AP4S1: variants seen among roughly 807,000 people sequenced by gnomAD.
The protein encoded by AP4S1 is AP-4 complex subunit sigma-1.
A neutral mutation model predicts 19.8 loss-of-function variants in AP4S1; 23 were observed. The ratio of observed to expected loss-of-function variants is 1.16; its 90% CI spans 0.84 to 1.65. AP4S1 has a LOEUF of 1.65. AP4S1 is among the 40% of genes most tolerant of loss of function. The pLI is 0.00. For missense variants in AP4S1, 166 were observed against 172.8 expected, an observed-to-expected ratio of 0.96 and a Z score of 0.22; for synonymous variants, 46 against 54.1, an observed-to-expected ratio of 0.85 and a Z score of 0.66.
intron 1 of AP4S1, among the ~76,000 whole-genome samples, chr14:31,065,497 T>G (rs1886663631): frequency 3.9e-5 from 6 of 152,158 alleles, no homozygotes. Context: ...TCCTTACTAT[T>G]TCATCTTCAC....
At chr14:31,084,600 G>T (rs1049620201) in intron 5 of AP4S1, among the ~76,000 whole-genome samples, 3 of 152,208 alleles carry the variant, frequency 2.0e-5, no homozygotes, top group Non-Finnish European at 2.9e-5. Flanking sequence ...AATCATTCAC[G>T]TGCTATGAAT....
At chr14:31,047,759 A>G (rs1045309370) in intron 1 of AP4S1, among the ~76,000 whole-genome samples, 5 of 150,808 alleles carry the variant, frequency 3.3e-5, no homozygotes, top group African/African-American at 9.7e-5. Context: ...GCTCACTGCA[A>G]CCTCCTCCTC....
At chr14:31,073,216 C>T (rs992983481) in intron 4 of AP4S1, 100 of 423,974 alleles carry the variant, frequency 2.4e-4, no homozygotes, top group African/African-American at 1.1e-3. Flanking sequence ...TATAGCAGGG[C>T]GCGATGGCTC....
chr14:31,037,168 G>A (rs972466142), intron 1 of AP4S1, among the ~76,000 whole-genome samples: 3 of 151,500 alleles, frequency 2.0e-5, no homozygotes, highest in Non-Finnish European at 4.4e-5. Flanking sequence ...TTACACACAT[G>A]CACACACACA....
In AP4S1 at chr14:31,050,803, G is replaced by A. The variant is rs1367382370; in HGVS notation, c.-71-15323G>A. ...TTTTCATTAGTCCGTTTTCTATTCC[G>A]GGCTCCCCTCCACGATACCATGTTG... On this transcript the variant is annotated intron_variant, in intron 1 of 5. Coordinates refer to ENST00000542754, the MANE Select transcript of AP4S1 (RefSeq NM_001128126.3). Among the ~76,000 whole-genome samples the A allele has an allele frequency of 2.6e-5, 4 of 151,904 alleles. No individual in the cohort carries two copies. The East Asian group carries it at 7.7e-4, about 29-fold the overall frequency.
At position 31,069,831 on chromosome 14, in the gene AP4S1, T is replaced by C; in HGVS notation, c.139-12T>C. On this transcript the variant is annotated splice_polypyrimidine_tract_variant and intron_variant, in intron 2 of 5. Coordinates refer to ENST00000542754, the MANE Select transcript of AP4S1 (RefSeq NM_001128126.3). The stretch of plus-strand genomic sequence containing the variant: ...AGCCACAGGAATTAATATCTCATTG[T>C]GTTTTGTCTAGTGCTCTTTCATTGA... 1 of 1,590,352 alleles carries C rather than the reference T, an allele frequency of 6.3e-7. No individual in the cohort carries two copies.
chr14:31,026,195 G>C (rs112675361), intron 1 of AP4S1: 3 of 1,416,382 alleles, frequency 2.1e-6, no homozygotes, highest in Non-Finnish European at 2.7e-6. Flanking sequence ...TTGTGTGTGG[G>C]GCCCCGGCCG....
intron 5 of AP4S1, among the ~76,000 whole-genome samples, chr14:31,087,784 T>C (rs1363380573): frequency 6.6e-6 from 1 of 152,192 alleles, no homozygotes; most frequent in East Asian, 1.9e-4. Flanking sequence ...GGGGAGATGT[T>C]TTAGAGAAAT....
intron 1 of AP4S1, among the ~76,000 whole-genome samples, chr14:31,037,423 A>G (rs1884847683): frequency 7.1e-6 from 1 of 140,106 alleles, no homozygotes; most frequent in Middle Eastern, 3.6e-3. Context: ...TGCCATCACC[A>G]CTACTTTCTT....
chr14:31,082,757 G>A (rs1275705785), intron 5 of AP4S1, among the ~76,000 whole-genome samples: 24 of 152,114 alleles, frequency 1.6e-4, no homozygotes, highest in Admixed American at 9.2e-4. Flanking sequence ...TTAGCCGGGC[G>A]CGGTGGCGGG....
intron 1 of AP4S1, among the ~76,000 whole-genome samples, chr14:31,056,985 G>A (rs911489086): frequency 1.3e-5 from 2 of 152,094 alleles, no homozygotes; most frequent in Admixed American, 6.6e-5. Context: ...GAGGTGGGAG[G>A]ATTGCTTGAG....
chr14:31,066,767 G>A (rs990768111), intron 2 of AP4S1, among the ~76,000 whole-genome samples: 6 of 152,102 alleles, frequency 3.9e-5, no homozygotes, highest in African/African-American at 1.4e-4. Context: ...TGTGCCAGAG[G>A]ATAATAATAT....
intron 1 of AP4S1, among the ~76,000 whole-genome samples, chr14:31,047,569 T>G (rs954394089): frequency 4.0e-5 from 6 of 151,476 alleles, no homozygotes; most frequent in Non-Finnish European, 8.8e-5. Context: ...TTTTTTATGG[T>G]TTTTTTTAGT....
At chr14:31,026,271 G>A in intron 1 of AP4S1, 1 of 1,307,340 alleles carries the variant, frequency 7.6e-7, no homozygotes, top group Non-Finnish European at 9.8e-7. Context: ...GCTGGCTGCG[G>A]GGCGGAGGCC....
intron 4 of AP4S1, among the ~76,000 whole-genome samples, chr14:31,073,989 T>C (rs1048835216): frequency 6.6e-6 from 1 of 152,148 alleles, no homozygotes. Context: ...GCCATTTTAA[T>C]AGCTATATTG....
intron 1 of AP4S1, among the ~76,000 whole-genome samples, chr14:31,042,008 T>C (rs1885137906): frequency 6.6e-6 from 1 of 152,138 alleles, no homozygotes; most frequent in African/African-American, 2.4e-5. Context: ...TTTTTGTATT[T>C]TTAGTAGACA....
intron 1 of AP4S1, among the ~76,000 whole-genome samples, chr14:31,049,474 T>TATATATATATACAC (rs1885651433): frequency 1.7e-5 from 1 of 57,182 alleles, no homozygotes; most frequent in African/African-American, 5.7e-5. Flanking sequence ...TATATATATG[T>TATATATATATACAC]ACACACACAC....
At chr14:31,083,147 T>G (rs1469030417) in intron 5 of AP4S1, among the ~76,000 whole-genome samples, 1 of 152,202 alleles carries the variant, frequency 6.6e-6, no homozygotes, top group Non-Finnish European at 1.5e-5. Context: ...TACTTGTCTT[T>G]GTAGCCTTCT....
intron 1 of AP4S1, chr14:31,027,142 T>G (rs1159853457): frequency 2.0e-5 from 3 of 152,112 alleles, no homozygotes; most frequent in Non-Finnish European, 4.4e-5. Context: ...AGCGATTTTT[T>G]TTTTCTTGGG....
Sources: gnomAD v4.1 joint callset for allele counts (sites outside exome capture counted in the v4.1 genomes callset) on GRCh38, gnomAD v4.1.1 for gene constraint, MANE v1.5 for transcripts, NCBI Gene and HGNC (gene_info 2026-07-23, HGNC 2026-07-21) for gene names.